Variants in UBE2E2 observed in about 807,000 individuals in gnomAD.
The protein encoded by UBE2E2 is ubiquitin-conjugating enzyme E2 E2.
UBE2E2 carries 6 observed loss-of-function variants against 24.7 expected under a neutral mutation model. That is an observed-to-expected ratio of 0.24 (90% CI 0.13 to 0.48). The LOEUF (loss-of-function observed/expected upper bound fraction) is 0.48. UBE2E2 is among the 20% of genes least tolerant of loss of function. UBE2E2 has a pLI of 0.99. For missense variants in UBE2E2, 169 were observed against 245.0 expected, an observed-to-expected ratio of 0.69 and a Z score of 2.07; for synonymous variants, 104 against 83.6, an observed-to-expected ratio of 1.24 and a Z score of -1.33.
chr3:23,249,210 T>G (rs1291294097), intron 3 of UBE2E2, among the ~76,000 whole-genome samples: 2 of 151,508 alleles, frequency 1.3e-5, no homozygotes, highest in African/African-American at 4.9e-5. Flanking sequence ...AGGCGGAAGT[T>G]TCAGTGAGCC....
chr3:23,510,373 A>G lies in UBE2E2; in HGVS notation c.360+10633A>G, dbSNP rs1163550645. 2.0e-5 allele frequency among the ~76,000 whole-genome samples: 3 copies of G among 152,258 alleles called. No individual in the cohort carries two copies. The East Asian group carries it at 5.8e-4, about 29-fold the overall frequency. ...TGTAATCCCAGCACTTTGGGAGGCC[A>G]AGGTGGGTGGATCAGTTGAGGTTAG... On this transcript the variant is annotated intron_variant, in intron 4 of 5. Transcript: ENST00000396703.
intron 3 of UBE2E2, among the ~76,000 whole-genome samples, chr3:23,302,070 G>A (rs934595416): frequency 1.4e-4 from 22 of 151,968 alleles, no homozygotes; most frequent in African/African-American, 5.1e-4. Flanking sequence ...AGTATAGCTC[G>A]TATCTTTGTA....
In UBE2E2 at chr3:23,280,781, CT is replaced by C. The variant is rs1200180681; in HGVS notation, c.227+63475del. Among the ~76,000 whole-genome samples the C allele has an allele frequency of 2.0e-5, 3 of 152,172 alleles. No individual in the cohort carries two copies. Among genetic ancestry groups the C allele is most frequent in the Non-Finnish European group, 4.4e-5 (3 of 68,028 alleles). On this transcript the variant is annotated intron_variant, in intron 3 of 5. Coordinates refer to ENST00000396703, the MANE Select transcript of UBE2E2 (RefSeq NM_152653.4). The surrounding 1 kb of genome is among the most constrained non-coding windows in gnomAD (Gnocchi z 4.3). ...CTCACTTCTGTTTTTACTGATTCTGCTTTTTTCCATGAATGTTGCCTTCTCT... is the reference window on the plus strand; with the variant it reads ...CTCACTTCTGTTTTTACTGATTCTGCTTTTTCCATGAATGTTGCCTTCTCT...
intron 5 of UBE2E2, among the ~76,000 whole-genome samples, chr3:23,570,179 C>G (rs1266816121): frequency 1.3e-5 from 2 of 152,138 alleles, no homozygotes; most frequent in African/African-American, 4.8e-5. Context: ...AGCCGTAACT[C>G]CTTGCGGGTG....
At chr3:23,564,002 A>G (rs1470401664) in intron 5 of UBE2E2, among the ~76,000 whole-genome samples, 1 of 151,392 alleles carries the variant, frequency 6.6e-6, no homozygotes, top group Non-Finnish European at 1.5e-5. Context: ...AGAAAAGAAA[A>G]GAGAAAGAAG....
intron 3 of UBE2E2, among the ~76,000 whole-genome samples, chr3:23,457,871 C>T (rs1457816784): frequency 6.6e-6 from 1 of 152,222 alleles, no homozygotes; most frequent in Non-Finnish European, 1.5e-5. Flanking sequence ...AAGTTAGTTA[C>T]AGCCTTGCGC....
At chr3:23,503,126 G>A (rs1456849846) in intron 4 of UBE2E2, among the ~76,000 whole-genome samples, 1 of 149,122 alleles carries the variant, frequency 6.7e-6, no homozygotes, top group African/African-American at 2.6e-5. Flanking sequence ...ATCTTTTTAA[G>A]GTAGAAGTTG....
At chr3:23,209,423 C>G (rs1290651854) in intron 2 of UBE2E2, among the ~76,000 whole-genome samples, 1 of 152,148 alleles carries the variant, frequency 6.6e-6, no homozygotes, top group African/African-American at 2.4e-5. Flanking sequence ...GAATGATTTT[C>G]TGTTGGTACT....
chr3:23,285,009 C>T (rs527431739), intron 3 of UBE2E2, among the ~76,000 whole-genome samples: 1 of 150,882 alleles, frequency 6.6e-6, no homozygotes, highest in Non-Finnish European at 1.5e-5. Context: ...CATCTCCACT[C>T]CCCCCACCCC....
intron 3 of UBE2E2, among the ~76,000 whole-genome samples, chr3:23,219,127 T>G (rs902062049): frequency 2.6e-5 from 4 of 152,184 alleles, no homozygotes; most frequent in African/African-American, 7.2e-5. Context: ...AGCTGATAAG[T>G]TTGCTTTAGA....
At chr3:23,274,815 G>T (rs1575525298) in intron 3 of UBE2E2, among the ~76,000 whole-genome samples, 1 of 152,204 alleles carries the variant, frequency 6.6e-6, no homozygotes, top group Non-Finnish European at 1.5e-5. Context: ...AGCAAATGCT[G>T]TGTAGGTAAT....
chr3:23,220,143 A>G (rs942284389), intron 3 of UBE2E2, among the ~76,000 whole-genome samples: 2 of 152,062 alleles, frequency 1.3e-5, no homozygotes, highest in Non-Finnish European at 2.9e-5. Context: ...TATGTAAGGC[A>G]TTTTTAGAGG....
chr3:23,258,295 G>A (rs1697792192), intron 3 of UBE2E2, among the ~76,000 whole-genome samples: 1 of 152,200 alleles, frequency 6.6e-6, no homozygotes, highest in African/African-American at 2.4e-5. Context: ...GATGTCACCA[G>A]AAGTTGAGAG....
intron 3 of UBE2E2, among the ~76,000 whole-genome samples, chr3:23,228,946 C>A (rs749372916): frequency 6.6e-6 from 1 of 151,784 alleles, no homozygotes; most frequent in Non-Finnish European, 1.5e-5. Flanking sequence ...AGAACTCTTA[C>A]ACCAGAGCCA....
At chr3:23,311,347 A>T (rs1488210296) in intron 3 of UBE2E2, among the ~76,000 whole-genome samples, 1 of 152,224 alleles carries the variant, frequency 6.6e-6, no homozygotes, top group African/African-American at 2.4e-5. Context: ...TAGCAGCATG[A>T]TTTATAATCC....
At chr3:23,326,532 A>C (rs559254125) in intron 3 of UBE2E2, among the ~76,000 whole-genome samples, 27 of 152,352 alleles carry the variant, frequency 1.8e-4, no homozygotes, top group Admixed American at 1.5e-3. Context: ...AGAAACATTT[A>C]AGATGTGTCT....
intron 3 of UBE2E2, among the ~76,000 whole-genome samples, chr3:23,223,989 T>C (rs1696740673): frequency 1.3e-5 from 2 of 152,172 alleles, no homozygotes; most frequent in Non-Finnish European, 2.9e-5. Flanking sequence ...TTCTCTCATC[T>C]GTTTCACTGA....
At chr3:23,500,570 C>T (rs936974702) in intron 4 of UBE2E2, among the ~76,000 whole-genome samples, 2 of 152,186 alleles carry the variant, frequency 1.3e-5, no homozygotes, top group African/African-American at 2.4e-5. Context: ...AAAGAATTCT[C>T]GTCTGGCCCT....
At chr3:23,294,354 CAGTT>C (rs1559336653) in intron 3 of UBE2E2, among the ~76,000 whole-genome samples, 1 of 151,910 alleles carries the variant, frequency 6.6e-6, no homozygotes, top group East Asian at 1.9e-4. Context: ...TATATATGGT[CAGTT>C]AGTTTTATAA....
Sources: gnomAD v4.1 joint callset for allele counts (sites outside exome capture counted in the v4.1 genomes callset) on GRCh38, gnomAD v4.1.1 for gene constraint, Gnocchi (gnomAD v3.1) non-coding constraint, MANE v1.5 for transcripts, NCBI Gene and HGNC (gene_info 2026-07-23, HGNC 2026-07-21) for gene names.